The following PRKN variants were observed in gnomAD, a reference collection of about 807,000 sequenced individuals.
PRKN encodes parkin RBR E3 ubiquitin protein ligase.
Under a neutral mutation model 59.5 loss-of-function variants are expected in PRKN, and 56 were observed. The ratio of observed to expected loss-of-function variants is 0.94; its 90% CI spans 0.76 to 1.18. The LOEUF is 1.18. PRKN is among the 50% of genes most tolerant of loss of function. The pLI, the probability that PRKN is intolerant of heterozygous loss-of-function variation, is 0.00. For missense variants in PRKN, 657 were observed against 596.4 expected (o/e 1.10, Z -1.06); for synonymous variants, 250 against 222.1 (o/e 1.13, Z -1.12).
At chr6:162,292,002 C>T (rs752048196) in intron 2 of PRKN, among the ~76,000 whole-genome samples, 2 of 143,176 alleles carry the variant, frequency 1.4e-5, no homozygotes, top group Middle Eastern at 3.8e-3. Context: ...TCACTCTTGT[C>T]ATCCAGGCTG....
At chr6:162,407,623 A>G (rs1788137039) in intron 2 of PRKN, among the ~76,000 whole-genome samples, 1 of 152,210 alleles carries the variant, frequency 6.6e-6, no homozygotes, top group Admixed American at 6.5e-5. Context: ...ATTATTACAT[A>G]ACAAAGAATC....
chr6:162,141,084 C>T (rs913658907), intron 4 of PRKN, among the ~76,000 whole-genome samples: 2 of 151,846 alleles, frequency 1.3e-5, no homozygotes, highest in African/African-American at 2.4e-5. Flanking sequence ...GAGCCGAGAT[C>T]GCGCCACTGC....
At chr6:161,961,387 T>C (rs1476369215) in intron 6 of PRKN, among the ~76,000 whole-genome samples, 4 of 152,100 alleles carry the variant, frequency 2.6e-5, no homozygotes, top group Non-Finnish European at 1.5e-5. Context: ...ATCTAGCCGG[T>C]TGGGTGTAAA....
chr6:162,312,220 C>T (rs1782547309), intron 2 of PRKN, among the ~76,000 whole-genome samples: 1 of 152,116 alleles, frequency 6.6e-6, no homozygotes, highest in Non-Finnish European at 1.5e-5. Context: ...ACCCCTCTGC[C>T]ACTGTTTCAT....
chr6:161,998,390 C>T (rs892970068), intron 5 of PRKN, among the ~76,000 whole-genome samples: 12 of 152,112 alleles, frequency 7.9e-5, no homozygotes, highest in Non-Finnish European at 1.5e-4. Flanking sequence ...TTATAACCTC[C>T]TCTTATGAAC....
At chr6:162,291,816 C>T (rs1463783174) in intron 2 of PRKN, among the ~76,000 whole-genome samples, 1 of 151,992 alleles carries the variant, frequency 6.6e-6, no homozygotes, top group Non-Finnish European at 1.5e-5. Context: ...AAAAGGTTGG[C>T]GTTGGGATTT....
intron 7 of PRKN, among the ~76,000 whole-genome samples, chr6:161,733,985 CACACACACACACACACACACAT>C (rs1313235514): frequency 1.4e-5 from 2 of 143,824 alleles, no homozygotes; most frequent in African/African-American, 5.7e-5. Context: ...CACACACACA[CACACACACACACACACACACAT>C]ATTTGCTAAT....
chr6:162,297,174 C>CTTTTTTT (rs10681721), intron 2 of PRKN, among the ~76,000 whole-genome samples: 8 of 139,314 alleles, frequency 5.7e-5, no homozygotes, highest in Non-Finnish European at 7.8e-5. Context: ...TTTTTCTTTT[C>CTTTTTTT]TTTTTTTTTT....
intron 7 of PRKN, among the ~76,000 whole-genome samples, chr6:161,596,623 CA>C: frequency 6.6e-6 from 1 of 152,190 alleles, no homozygotes; most frequent in East Asian, 1.9e-4. Flanking sequence ...ATTTAGCACA[CA>C]CAAAAAAAGC....
At chr6:162,503,331 T>G (rs1647104207) in intron 1 of PRKN, among the ~76,000 whole-genome samples, 1 of 151,754 alleles carries the variant, frequency 6.6e-6, no homozygotes, top group Non-Finnish European at 1.5e-5. Context: ...CCTGGCTAAT[T>G]TTTGGTATTT....
intron 10 of PRKN, among the ~76,000 whole-genome samples, chr6:161,382,095 G>A (rs1786014491): frequency 9.0e-6 from 1 of 110,682 alleles, no homozygotes; most frequent in African/African-American, 3.5e-5. Context: ...CTGGGTGAAA[G>A]AGCGAGACTC....
At position 161,874,120 on chromosome 6, in the gene PRKN, T is replaced by TATATAATATATATTATATGTAAA. The variant is rs1794490887; in HGVS notation, c.735-88235_735-88213dup. Among the ~76,000 whole-genome samples the TATATAATATATATTATATGTAAA allele has an allele frequency of 1.8e-4, 10 of 56,122 alleles. No homozygotes were observed. In the South Asian group the frequency reaches 3.8e-3, roughly 21 times the overall value. The allele number at this position is 56,122 out of a possible 152,430, so 36.8% of individuals were successfully genotyped here. A position where few individuals can be genotyped will look rare whatever the true frequency, so the allele number is the denominator to read the frequency against. On this transcript the variant is annotated intron_variant, in intron 6 of 11. Coordinates refer to ENST00000366898, the MANE Select transcript of PRKN (RefSeq NM_004562.3). ...AATATATATTATATGTAAAATATAA[T>TATATAATATATATTATATGTAAA]ATATAATATATATTATATGTAAAAT...
Position 161,581,681 on chromosome 6 carries a change from C to T in PRKN, c.872-12265G>A, listed in dbSNP as rs889003979. Among the ~76,000 whole-genome samples the T allele has an allele frequency of 3.3e-5, 5 of 152,134 alleles. No individual in the cohort carries two copies. Among genetic ancestry groups the T allele is most frequent in the Non-Finnish European group, 5.9e-5 (4 of 68,026 alleles). ...GGAAGAAATGAAGGAAAAATGGAAT[C>T]GCTGGCCTGAGAATGAACATCAGCA... is the stretch of plus-strand genomic sequence containing the variant. On this transcript the variant is annotated intron_variant, in intron 7 of 11. Coordinates refer to ENST00000366898, the MANE Select transcript of PRKN (RefSeq NM_004562.3). This position sits in a 1 kb window ranked among gnomAD's most constrained non-coding sequence, Gnocchi z 4.5.
chr6:162,228,443 TGA>T (rs1427775492), intron 3 of PRKN, among the ~76,000 whole-genome samples: 1 of 152,160 alleles, frequency 6.6e-6, no homozygotes, highest in Non-Finnish European at 1.5e-5. Flanking sequence ...ATATTGGTAA[TGA>T]GAGTCCCAGA....
At chr6:161,986,666 G>A (rs1781447803) in intron 5 of PRKN, among the ~76,000 whole-genome samples, 1 of 151,996 alleles carries the variant, frequency 6.6e-6, no homozygotes, top group African/African-American at 2.4e-5. Flanking sequence ...TGAGAAGTCA[G>A]GTGCGACGAG....
intron 9 of PRKN, among the ~76,000 whole-genome samples, chr6:161,422,929 C>T (rs1323355857): frequency 1.3e-5 from 2 of 152,108 alleles, no homozygotes; most frequent in Non-Finnish European, 2.9e-5. Context: ...GGGCTGACAT[C>T]GACTGCCACA....
At chr6:162,128,843 G>A (rs1781228663) in intron 4 of PRKN, among the ~76,000 whole-genome samples, 1 of 152,152 alleles carries the variant, frequency 6.6e-6, no homozygotes, top group Admixed American at 6.6e-5. Context: ...GCCCATCTAT[G>A]AGAAACTCCT....
chr6:161,916,302 G>A (rs1430423483), intron 6 of PRKN, among the ~76,000 whole-genome samples: 1 of 152,098 alleles, frequency 6.6e-6, no homozygotes, highest in Non-Finnish European at 1.5e-5. Context: ...TATGAAATAG[G>A]AATACCACCC....
intron 4 of PRKN, among the ~76,000 whole-genome samples, chr6:162,112,936 C>T (rs527807361): frequency 9.2e-5 from 14 of 152,102 alleles, no homozygotes; most frequent in Non-Finnish European, 2.1e-4. Flanking sequence ...GAAAAGAAAA[C>T]ACACCATGAC....
Sources: allele counts gnomAD v4.1 joint callset (sites outside exome capture counted in the v4.1 genomes callset), GRCh38; gene constraint gnomAD v4.1.1; non-coding constraint Gnocchi (gnomAD v3.1); transcripts MANE v1.5; gene names NCBI Gene and HGNC (gene_info 2026-07-23, HGNC 2026-07-21).